The following HS6ST3 variants were observed in gnomAD, a reference collection of about 807,000 sequenced individuals.
HS6ST3 encodes heparan sulfate 6-O-sulfotransferase 3.
A neutral mutation model predicts 36.7 loss-of-function variants in HS6ST3; 12 were observed. The ratio of observed to expected loss-of-function variants is 0.33; its 90% CI spans 0.21 to 0.53. HS6ST3 has a LOEUF of 0.53. Among genes scored for constraint, HS6ST3 ranks in the 20% least tolerant of loss-of-function variants. HS6ST3 has a pLI of 0.95. For missense variants in HS6ST3, 584 were observed against 640.9 expected (o/e 0.91, Z 0.96); for synonymous variants, 240 against 257.5 (o/e 0.93, Z 0.65).
intron 1 of HS6ST3, among the ~76,000 whole-genome samples, chr13:96,423,823 T>G (rs9513142): frequency 6.6e-6 from 1 of 151,830 alleles, no homozygotes; most frequent in South Asian, 2.1e-4. Flanking sequence ...GAAGGGGTGA[T>G]GAACATGGAA....
chr13:96,615,352 G>T (rs888725040), intron 1 of HS6ST3, among the ~76,000 whole-genome samples: 1 of 152,162 alleles, frequency 6.6e-6, no homozygotes, highest in African/African-American at 2.4e-5. Flanking sequence ...CAAATGACAG[G>T]ATCTGATGAG....
intron 1 of HS6ST3, among the ~76,000 whole-genome samples, chr13:96,734,906 A>G (rs1260231027): frequency 2.0e-5 from 3 of 152,054 alleles, no homozygotes; most frequent in South Asian, 2.1e-4. Context: ...TTGAGGAGTC[A>G]TGAGTACCTT....
At chr13:96,171,131 A>G (rs1201504935) in intron 1 of HS6ST3, among the ~76,000 whole-genome samples, 1 of 152,250 alleles carries the variant, frequency 6.6e-6, no homozygotes, top group African/African-American at 2.4e-5. Context: ...AGAATCAGCT[A>G]TGATAGGAAA....
chr13:96,183,865 C>T (rs2054252074), intron 1 of HS6ST3, among the ~76,000 whole-genome samples: 2 of 152,112 alleles, frequency 1.3e-5, no homozygotes, highest in African/African-American at 2.4e-5. Context: ...GGATACATAA[C>T]AATGCAAATG....
Position 96,834,054 on chromosome 13 carries a change from T to C in HS6ST3, c.*856T>C, listed in dbSNP as rs1478473451. 1 of 152,246 alleles carries C rather than the reference T, an allele frequency of 6.6e-6. No individual in the cohort carries two copies. The highest frequency in any genetic ancestry group is 2.4e-5 in the African/African-American group (1 of 41,456). The allele number at this position is 152,246 out of a possible 1,614,324, so 9.4% of individuals were successfully genotyped here. A position where few individuals can be genotyped will look rare whatever the true frequency, so the allele number is the denominator to read the frequency against. The stretch of plus-strand genomic sequence containing the variant: ...GAGAAAAAAATATCAGGAAGGTCAA[T>C]ATATGCCTAACATTTCTAAACTGGC... On this transcript the variant is annotated 3_prime_UTR_variant, in exon 2 of 2. Coordinates refer to ENST00000376705, the MANE Select transcript of HS6ST3 (RefSeq NM_153456.4).
intron 1 of HS6ST3, among the ~76,000 whole-genome samples, chr13:96,604,045 A>G (rs1272093505): frequency 6.6e-6 from 1 of 152,252 alleles, no homozygotes; most frequent in Non-Finnish European, 1.5e-5. Flanking sequence ...TTATGAGGTC[A>G]CATGAATGCT....
chr13:96,670,402 G>T (rs907436827), intron 1 of HS6ST3, among the ~76,000 whole-genome samples: 7 of 152,128 alleles, frequency 4.6e-5, no homozygotes, highest in Non-Finnish European at 5.9e-5. Context: ...ATGTAAAGAG[G>T]AACAGAGAAC....
At chr13:96,286,600 G>C (rs766874725) in intron 1 of HS6ST3, among the ~76,000 whole-genome samples, 3 of 152,136 alleles carry the variant, frequency 2.0e-5, no homozygotes, top group Non-Finnish European at 2.9e-5. Context: ...AGTTAACAGT[G>C]GTTGTGGCTA....
At chr13:96,232,237 A>G (rs953890569) in intron 1 of HS6ST3, among the ~76,000 whole-genome samples, 1 of 152,212 alleles carries the variant, frequency 6.6e-6, no homozygotes, top group African/African-American at 2.4e-5. Context: ...AACAGTGGCT[A>G]TCAGTGTGGT....
At position 96,192,897 on chromosome 13, in the gene HS6ST3, A is replaced by G. The variant is rs889475116; in HGVS notation, c.707+101328A>G. ...GGGAAAAAGTGAAAAATGGTGCAAT[A>G]TAAGGACGGGTTGAAGGAAAAAGTT... On this transcript the variant is annotated intron_variant, in intron 1 of 1. Transcript: ENST00000376705. 2.6e-5 allele frequency among the ~76,000 whole-genome samples: 4 copies of G among 152,194 alleles called. No homozygotes were observed. In the East Asian group the frequency reaches 7.7e-4, roughly 29 times the overall value.
At chr13:96,120,672 C>T (rs1433908760) in intron 1 of HS6ST3, among the ~76,000 whole-genome samples, 1 of 151,864 alleles carries the variant, frequency 6.6e-6, no homozygotes, top group Non-Finnish European at 1.5e-5. Context: ...ATGTATTTTA[C>T]TTGGTTTTTT....
At chr13:96,794,611 T>C (rs1317018944) in intron 1 of HS6ST3, among the ~76,000 whole-genome samples, 1 of 152,048 alleles carries the variant, frequency 6.6e-6, no homozygotes, top group Non-Finnish European at 1.5e-5. Flanking sequence ...TCCTCCCTCA[T>C]TTTTTGGGCT....
chr13:96,352,344 G>C (rs2055187906), intron 1 of HS6ST3, among the ~76,000 whole-genome samples: 1 of 152,164 alleles, frequency 6.6e-6, no homozygotes, highest in African/African-American at 2.4e-5. Flanking sequence ...TTGAAGTCTT[G>C]ATGTGAACTG....
chr13:96,498,506 G>A (rs1459736978), intron 1 of HS6ST3, among the ~76,000 whole-genome samples: 2 of 152,108 alleles, frequency 1.3e-5, no homozygotes. Flanking sequence ...CCTGATTGAA[G>A]CCTTCCTTTT....
chr13:96,448,165 T>C (rs1040095523), intron 1 of HS6ST3, among the ~76,000 whole-genome samples: 1 of 152,192 alleles, frequency 6.6e-6, no homozygotes, highest in African/African-American at 2.4e-5. Flanking sequence ...AATTTGAGCA[T>C]ATGCAACTTA....
chr13:96,671,504 C>T (rs1188446200), intron 1 of HS6ST3, among the ~76,000 whole-genome samples: 2 of 152,094 alleles, frequency 1.3e-5, no homozygotes, highest in African/African-American at 4.8e-5. Context: ...TGTAACGAAG[C>T]ACCACAGACT....
At chr13:96,536,546 C>T (rs917039405) in intron 1 of HS6ST3, among the ~76,000 whole-genome samples, 9 of 152,122 alleles carry the variant, frequency 5.9e-5, no homozygotes, top group Non-Finnish European at 2.9e-5. Flanking sequence ...TAGCTGGGAG[C>T]GTTCGTTTCT....
At chr13:96,234,247 T>C (rs2054523169) in intron 1 of HS6ST3, among the ~76,000 whole-genome samples, 1 of 151,058 alleles carries the variant, frequency 6.6e-6, no homozygotes, top group Admixed American at 6.6e-5. Flanking sequence ...CTGTCTCTAC[T>C]AAAAATACAA....
chr13:96,804,752 CTT>C (rs970089273), intron 1 of HS6ST3, among the ~76,000 whole-genome samples: 3 of 152,078 alleles, frequency 2.0e-5, no homozygotes, highest in Non-Finnish European at 2.9e-5. Context: ...ACATCAGACT[CTT>C]TGACGGGACT....
Sources: allele counts gnomAD v4.1 joint callset (sites outside exome capture counted in the v4.1 genomes callset), GRCh38; gene constraint gnomAD v4.1.1; transcripts MANE v1.5; gene names NCBI Gene and HGNC (gene_info 2026-07-23, HGNC 2026-07-21).